Variants in RBFOX3 observed in about 807,000 individuals in gnomAD.
The protein encoded by RBFOX3 is RNA binding protein fox-1 homolog 3.
In RBFOX3, 17 loss-of-function variants were observed where a neutral mutation model predicts 48.7. The ratio of observed to expected loss-of-function variants is 0.35; its 90% CI spans 0.24 to 0.52. The LOEUF is 0.52. Ranked by LOEUF, RBFOX3 falls within the 20% of genes least tolerant of loss-of-function variation. The pLI is 0.94. For missense variants in RBFOX3, 382 were observed against 497.5 expected, an observed-to-expected ratio of 0.77 and a Z score of 2.21; for synonymous variants, 212 against 209.5, an observed-to-expected ratio of 1.01 and a Z score of -0.10.
chr17:79,543,992 G>A (rs958671367), intron 1 of RBFOX3, among the ~76,000 whole-genome samples: 3 of 152,186 alleles, frequency 2.0e-5, no homozygotes, highest in Non-Finnish European at 2.9e-5. Flanking sequence ...AGGGAAACTC[G>A]TGCCTAGGAA....
In RBFOX3 at chr17:79,311,142, C is replaced by T. The variant is rs1412762431; in HGVS notation, c.-174-3318G>A. 6.6e-6 allele frequency among the ~76,000 whole-genome samples: 1 copy of T among 152,090 alleles called. No individual in the cohort carries two copies. Among genetic ancestry groups the T allele is most frequent in the Non-Finnish European group, 1.5e-5 (1 of 68,020 alleles). Reference sequence around the variant, plus strand: ...TGGGGAAAACATTCTGCCTCAAGACCGCAGCACCAGCTGGGCGCAGTGGCT... The same window carrying T: ...TGGGGAAAACATTCTGCCTCAAGACTGCAGCACCAGCTGGGCGCAGTGGCT... On this transcript the variant is annotated intron_variant, in intron 2 of 14. Coordinates refer to ENST00000693108, the MANE Select transcript of RBFOX3 (RefSeq NM_001350451.2). The surrounding 1 kb of genome is among the most constrained non-coding windows in gnomAD (Gnocchi z 4.2).
At chr17:79,247,182 C>T (rs970219935) in intron 3 of RBFOX3, among the ~76,000 whole-genome samples, 1 of 152,106 alleles carries the variant, frequency 6.6e-6, no homozygotes, top group African/African-American at 2.4e-5. Flanking sequence ...GTCTGTGGAG[C>T]CCACGGGAGC....
intron 4 of RBFOX3, among the ~76,000 whole-genome samples, chr17:79,230,291 G>C (rs769838734): frequency 6.6e-6 from 1 of 152,006 alleles, no homozygotes; most frequent in African/African-American, 2.4e-5. Flanking sequence ...ATGGAGTCTT[G>C]CTTTGTCACC....
At chr17:79,137,875 G>A (rs2040622730) in intron 4 of RBFOX3, among the ~76,000 whole-genome samples, 1 of 152,298 alleles carries the variant, frequency 6.6e-6, no homozygotes, top group Admixed American at 6.5e-5. Context: ...GTAATTGAGG[G>A]AGCCGCGGCC....
At chr17:79,657,708 A>G in the RBFOX3 span, among the ~76,000 whole-genome samples, 1 of 151,238 alleles carries the variant, frequency 6.6e-6, no homozygotes, top group African/African-American at 2.4e-5. Flanking sequence ...GGACACCTGG[A>G]GCACCCAACA....
At chr17:79,522,929 CAAAAAAAAAAAA>C (rs34245309) in intron 1 of RBFOX3, among the ~76,000 whole-genome samples, 6 of 31,976 alleles carry the variant, frequency 1.9e-4, no homozygotes, top group South Asian at 2.5e-3. Context: ...GACTCCGTCT[CAAAAAAAAAAAA>C]AAAAAAAAAA....
At chr17:79,105,955 A>T (rs1445211148) in intron 6 of RBFOX3, among the ~76,000 whole-genome samples, 1 of 152,176 alleles carries the variant, frequency 6.6e-6, no homozygotes, top group African/African-American at 2.4e-5. Context: ...TGCCTGGCGC[A>T]TTCAAGTCCA....
intron 2 of RBFOX3, among the ~76,000 whole-genome samples, chr17:79,374,391 T>C (rs1434455154): frequency 1.3e-5 from 2 of 152,238 alleles, no homozygotes; most frequent in Admixed American, 6.5e-5. Flanking sequence ...AGAACAAGGC[T>C]GAGCCTTTCT....
chr17:79,105,636 G>A (rs1183412901), intron 6 of RBFOX3, among the ~76,000 whole-genome samples: 1 of 152,204 alleles, frequency 6.6e-6, no homozygotes, highest in Non-Finnish European at 1.5e-5. Flanking sequence ...GGGGGTAGGT[G>A]AACGGGGACC....
chr17:79,404,434 G>A (rs1045693045), intron 2 of RBFOX3, among the ~76,000 whole-genome samples: 2 of 152,226 alleles, frequency 1.3e-5, no homozygotes, highest in African/African-American at 4.8e-5. Flanking sequence ...CAGGCCACAC[G>A]GCCCCACTCT....
At chr17:79,228,221 C>T (rs35418850) in intron 4 of RBFOX3, among the ~76,000 whole-genome samples, 26,849 of 152,140 alleles carry the variant, frequency 0.18, 2,841 homozygotes, top group Non-Finnish European at 0.24. Flanking sequence ...GTGGGCTCTC[C>T]GTGTTCCCTC....
chr17:79,636,767 A>T, the RBFOX3 span, among the ~76,000 whole-genome samples: 1 of 152,310 alleles, frequency 6.6e-6, no homozygotes, highest in East Asian at 1.9e-4. Context: ...ACTACAAAAC[A>T]ATCAGAAAAC....
chr17:79,154,896 C>T (rs532806156), intron 4 of RBFOX3, among the ~76,000 whole-genome samples: 2 of 148,906 alleles, frequency 1.3e-5, no homozygotes, highest in Non-Finnish European at 3.0e-5. Flanking sequence ...ACATCCCCAC[C>T]TCCCTCCCTG....
At chr17:79,620,251 AC>A in the RBFOX3 span, among the ~76,000 whole-genome samples, 2 of 150,510 alleles carry the variant, frequency 1.3e-5, no homozygotes, top group Non-Finnish European at 3.0e-5. Flanking sequence ...ACACATACGC[AC>A]ATGCACACAC....
chr17:79,376,887 G>A (rs552795340), intron 2 of RBFOX3, among the ~76,000 whole-genome samples: 1 of 152,220 alleles, frequency 6.6e-6, no homozygotes, highest in East Asian at 1.9e-4. Context: ...CGAGATGTGG[G>A]AGGTTGGGAA....
intron 2 of RBFOX3, among the ~76,000 whole-genome samples, chr17:79,451,981 G>C (rs1457736292): frequency 6.6e-6 from 1 of 152,184 alleles, no homozygotes; most frequent in African/African-American, 2.4e-5. Flanking sequence ...ACCAACACCC[G>C]CAGGGCTCTT....
chr17:79,539,475 T>C (rs959088685), intron 1 of RBFOX3, among the ~76,000 whole-genome samples: 49 of 152,338 alleles, frequency 3.2e-4, no homozygotes, highest in Middle Eastern at 3.4e-3. Flanking sequence ...TAAGTTAAAA[T>C]TTAAGATACA....
chr17:79,411,910 A>G (rs112159047), intron 2 of RBFOX3, among the ~76,000 whole-genome samples: 21,508 of 151,774 alleles, frequency 0.14, 1,647 homozygotes, highest in African/African-American at 0.19. Flanking sequence ...GTGTATATGT[A>G]TGTGTGGTGT....
intron 2 of RBFOX3, among the ~76,000 whole-genome samples, chr17:79,420,128 TACACACACACACACAC>T (rs58282867): frequency 8.8e-5 from 10 of 114,274 alleles, no homozygotes; most frequent in South Asian, 3.0e-4. Flanking sequence ...CTCCGTCTCA[TACACACACACACACAC>T]ACACACACAC....
Sources: gnomAD v4.1 joint callset for allele counts (sites outside exome capture counted in the v4.1 genomes callset) on GRCh38, gnomAD v4.1.1 for gene constraint, Gnocchi (gnomAD v3.1) non-coding constraint, MANE v1.5 for transcripts, NCBI Gene and HGNC (gene_info 2026-07-23, HGNC 2026-07-21) for gene names.